Variants in CYB561 observed in about 807,000 individuals in gnomAD.
CYB561 encodes the protein transmembrane ascorbate-dependent reductase CYB561.
In CYB561, 11 loss-of-function variants were observed where a neutral mutation model predicts 25.3. The ratio of observed to expected loss-of-function variants is 0.44; its 90% CI spans 0.27 to 0.72. The LOEUF (loss-of-function observed/expected upper bound fraction) is 0.72. Among genes scored for constraint, CYB561 ranks in the 30% least tolerant of loss-of-function variants. The pLI, the probability that CYB561 is intolerant of heterozygous loss-of-function variation, is 0.18. For synonymous variants in CYB561, 165 were observed against 158.8 expected (o/e 1.04, Z -0.29); for missense variants, 295 against 334.9 (o/e 0.88, Z 0.93).
intron 1 of CYB561, 40 bp from the exon 2 acceptor site, chr17:63,437,600 ACCCCGAGATGCGCACAGCC>A (rs1176147513): frequency 3.9e-6 from 6 of 1,531,080 alleles, no homozygotes; most frequent in Non-Finnish European, 5.3e-6. Flanking sequence ...AGCGCACAGC[ACCCCGAGATGCGCACAGCC>A]CCCGCGGATG....
chr17:63,434,834 T>C (rs1342562299), intron 5 of CYB561, among the ~76,000 whole-genome samples: 2 of 152,216 alleles, frequency 1.3e-5, no homozygotes, highest in East Asian at 3.8e-4. Flanking sequence ...TAAGCAGTTG[T>C]CCTGCAGATC....
chr17:63,440,150 A>G (rs1420415150), intron 1 of CYB561: 13 of 398,520 alleles, frequency 3.3e-5, no homozygotes, highest in Non-Finnish European at 4.9e-5. Context: ...CCGCCACCCC[A>G]AATTCAAGCC....
At position 63,432,406 on chromosome 17, in the gene CYB561, T is replaced by G. The variant is rs542548274; in HGVS notation, c.*1996A>C. On this transcript the variant is annotated 3_prime_UTR_variant, in exon 6 of 6. Transcript: ENST00000360793. Reference sequence around the variant, plus strand: ...ATAAAATAACCCACCACAAATCCGCTTCTGGGGGCCTTCTTCAGCTCCTTA... The same window carrying G: ...ATAAAATAACCCACCACAAATCCGCGTCTGGGGGCCTTCTTCAGCTCCTTA... 6.6e-6 allele frequency: 1 copy of G among 152,332 alleles called. No homozygotes were observed. Among genetic ancestry groups the G allele is most frequent in the East Asian group, 1.9e-4 (1 of 5,192 alleles). The allele number at this position is 152,332 out of a possible 1,614,324, so 9.4% of individuals were successfully genotyped here.
In CYB561 at chr17:63,433,610, G is replaced by A. The variant is rs370000879; in HGVS notation, c.*792C>T. 1.4e-4 allele frequency: 55 copies of A among 382,428 alleles called. No individual in the cohort carries two copies. Among genetic ancestry groups the A allele is most frequent in the African/African-American group, 9.1e-4 (44 of 48,350 alleles). 23.7% of individuals were successfully genotyped at this position (382,428 alleles called of 1,614,324 possible). On this transcript the variant is annotated 3_prime_UTR_variant, in exon 6 of 6. Transcript: ENST00000360793. The stretch of plus-strand genomic sequence containing the variant: ...TGGGAGAGGAAACCAGAGCTGAGCC[G>A]CAAGGGGGGTGCTACAAGGAGGGAG...
intron 1 of CYB561, chr17:63,438,305 G>T (rs2049337040): frequency 8.7e-7 from 1 of 1,154,308 alleles, no homozygotes; most frequent in East Asian, 2.6e-5. Context: ...GAAGGAAGGG[G>T]CTGGTCACAC....
rs2049275209 is a variant in CYB561, at chr17:63,434,735, T to TC, written c.564-142dup. The TC allele has an allele frequency of 3.9e-5, 27 of 688,732 alleles. No individual in the cohort carries two copies. The South Asian group carries it at 4.9e-4, about 12-fold the overall frequency. 42.7% of individuals were successfully genotyped at this position (688,732 alleles called of 1,614,324 possible). On this transcript the variant is annotated intron_variant, in intron 5 of 5. Coordinates refer to ENST00000360793, the MANE Select transcript of CYB561 (RefSeq NM_001915.4). ...CTGCCCTGCCTGAAGAGAACAACCA[T>TC]CCCCCCGCCCCCAACCAGCAATCTC...
intron 1 of CYB561, among the ~76,000 whole-genome samples, chr17:63,442,457 T>G (rs1278984666): frequency 6.6e-6 from 1 of 152,100 alleles, no homozygotes; most frequent in Non-Finnish European, 1.5e-5. Flanking sequence ...CATTTCCCAG[T>G]CTTGACAGCA....
rs977075001 is a variant in CYB561, at chr17:63,432,399, A to G, written c.*2003T>C. 1.3e-5 allele frequency: 2 copies of G among 152,142 alleles called. No individual in the cohort carries two copies. Among genetic ancestry groups the G allele is most frequent in the African/African-American group, 2.4e-5 (1 of 41,404 alleles). 9.4% of individuals were successfully genotyped at this position (152,142 alleles called of 1,614,324 possible). A position where few individuals can be genotyped will look rare whatever the true frequency, so the allele number is the denominator to read the frequency against. Reference sequence around the variant, plus strand: ...AGGCAAAATAAAATAACCCACCACAAATCCGCTTCTGGGGGCCTTCTTCAG... The same window carrying G: ...AGGCAAAATAAAATAACCCACCACAGATCCGCTTCTGGGGGCCTTCTTCAG... On this transcript the variant is annotated 3_prime_UTR_variant, in exon 6 of 6. Transcript: ENST00000360793.
Position 63,436,296 on chromosome 17 carries a change from A to T in CYB561, c.203-144T>A. On this transcript the variant is annotated intron_variant, in intron 2 of 5. Coordinates refer to ENST00000360793, the MANE Select transcript of CYB561 (RefSeq NM_001915.4). This position sits in a 1 kb window ranked among gnomAD's most constrained non-coding sequence, Gnocchi z 4.8. ...CCTAGCTGCAGGAACCGGAGGAGAA[A>T]GCCAGGTTCCCTGGGGACCCTGGGC... 1 of 1,112,796 alleles carries T rather than the reference A, an allele frequency of 9.0e-7. No individual in the cohort carries two copies. The highest frequency in any genetic ancestry group is 2.6e-5 in the East Asian group (1 of 37,900). The allele number at this position is 1,112,796 out of a possible 1,614,324, so 68.9% of individuals were successfully genotyped here. A position where few individuals can be genotyped will look rare whatever the true frequency, so the allele number is the denominator to read the frequency against.
chr17:63,438,433 G>C (rs1244072213), intron 1 of CYB561: 9 of 530,612 alleles, frequency 1.7e-5, no homozygotes. Flanking sequence ...ACACCCAGGA[G>C]AGCCAGCCCC....
Position 63,441,447 on chromosome 17 carries a change from C to T in CYB561, c.-13-3887G>A, listed in dbSNP as rs116450185. Among the ~76,000 whole-genome samples, 663 of 152,376 alleles carry T rather than the reference C, an allele frequency of 4.4e-3. 6 individuals are homozygous for T. The highest frequency in any genetic ancestry group is 0.015 in the African/African-American group (629 of 41,580). On this transcript the variant is annotated intron_variant, in intron 1 of 5. Transcript: ENST00000360793. ...CAGCAAATAGCAGCTCAACTCAACCCGCAGCCACCTGCACTTGGCCAGGTG... is the reference window on the plus strand; with the variant it reads ...CAGCAAATAGCAGCTCAACTCAACCTGCAGCCACCTGCACTTGGCCAGGTG...
Position 63,433,617 on chromosome 17 carries a change from G to T in CYB561, c.*785C>A, listed in dbSNP as rs957531162. On this transcript the variant is annotated 3_prime_UTR_variant, in exon 6 of 6. Coordinates refer to ENST00000360793, the MANE Select transcript of CYB561 (RefSeq NM_001915.4). ...GGAAACCAGAGCTGAGCCGCAAGGGGGGTGCTACAAGGAGGGAGCCCCAGC... is the reference window on the plus strand; with the variant it reads ...GGAAACCAGAGCTGAGCCGCAAGGGTGGTGCTACAAGGAGGGAGCCCCAGC... The T allele has an allele frequency of 2.9e-5, 11 of 381,326 alleles. No individual in the cohort carries two copies. The highest frequency in any genetic ancestry group is 2.3e-4 in the African/African-American group (11 of 48,198). 23.6% of individuals were successfully genotyped at this position (381,326 alleles called of 1,614,324 possible). A position where few individuals can be genotyped will look rare whatever the true frequency, so the allele number is the denominator to read the frequency against.
chr17:63,435,493 T>TG, intron 4 of CYB561, 195 bp downstream of exon 4: 1 of 683,102 alleles, frequency 1.5e-6, no homozygotes, highest in Non-Finnish European at 2.5e-6. Context: ...GAGTCAGCCA[T>TG]GGGGCGCCTG....
chr17:63,438,406 G>A, intron 1 of CYB561: 2 of 560,680 alleles, frequency 3.6e-6, no homozygotes, highest in Non-Finnish European at 6.3e-6. Flanking sequence ...CTGGCGATGA[G>A]GAGGCCTCCC....
rs144660778 is a variant in CYB561 at position 63,433,284 on chromosome 17, G to A, written c.*1118C>T. Reference sequence around the variant, plus strand: ...GATCTCCTGGCCTCGCACACGATCAGTGTTCTAATCACACTATTTCCAGGC... The same window carrying A: ...GATCTCCTGGCCTCGCACACGATCAATGTTCTAATCACACTATTTCCAGGC... On this transcript the variant is annotated 3_prime_UTR_variant, in exon 6 of 6. Transcript: ENST00000360793. The A allele has an allele frequency of 2.2e-3, 895 of 397,958 alleles. 11 individuals carry two copies. The highest frequency in any genetic ancestry group is 0.018 in the South Asian group (139 of 7,848). 24.7% of individuals were successfully genotyped at this position (397,958 alleles called of 1,614,324 possible).
rs1184785967 is a variant in CYB561 at position 63,434,575 on chromosome 17, C to T, written c.583G>A (p.Glu195Lys). 1 of 1,611,098 alleles carries T rather than the reference C, an allele frequency of 6.2e-7. No individual in the cohort carries two copies. ...FNLGGKYSAF[E>K]PEGVLANVLG... ...ACGTTGGCCAGGACACCCTCGGGCT[C>T]AAATGCGCTATACTTGCCCCTGCAG... Residue 195 changes from glutamate (E) to lysine (K), a missense_variant, in exon 6 of 6, where the codon GAG (glutamate) becomes AAG (lysine). Physicochemically the swap from Glu to Lys is moderately conservative, Grantham distance 56. Coordinates refer to ENST00000360793, the MANE Select transcript of CYB561 (RefSeq NM_001915.4).
chr17:63,437,975 G>GCCCCC, intron 1 of CYB561: 2 of 89,528 alleles, frequency 2.2e-5, no homozygotes, highest in South Asian at 1.0e-4. Context: ...CGGCGGCCCC[G>GCCCCC]CCACCCTCCC....
intron 5 of CYB561, 82 bp downstream of exon 5, chr17:63,435,004 C>A: frequency 6.9e-7 from 1 of 1,447,400 alleles, no homozygotes; most frequent in Non-Finnish European, 9.3e-7. Context: ...GCTCAGGAAG[C>A]CACAGCTGGG....
At position 63,435,156 on chromosome 17, in the gene CYB561, C is replaced by A; in HGVS notation, c.493G>T (p.Ala165Ser). Residue 165 changes from alanine to serine, a missense_variant, in exon 5 of 6, where the codon GCT becomes TCT. Ala to Ser is a moderately conservative substitution (Grantham distance 99, BLOSUM62 1). Coordinates refer to ENST00000360793, the MANE Select transcript of CYB561 (RefSeq NM_001915.4). The stretch of plus-strand genomic sequence containing the variant: ...CCCACGGAAAGGAGGAAGATGGTAG[C>A]ACCAAAGAAGATGTGCTGTGGGCGG... The part of the protein sequence containing the change: ...RYRPQHIFFG[A>S]TIFLLSVGTA... 3.7e-6 allele frequency: 6 copies of A among 1,614,240 alleles called. No homozygotes were observed. Among genetic ancestry groups the A allele is most frequent in the Non-Finnish European group, 5.1e-6 (6 of 1,180,054 alleles).
Sources: allele counts gnomAD v4.1 joint callset (sites outside exome capture counted in the v4.1 genomes callset), GRCh38; gene constraint gnomAD v4.1.1; non-coding constraint Gnocchi (gnomAD v3.1); transcripts MANE v1.5; gene names NCBI Gene and HGNC (gene_info 2026-07-23, HGNC 2026-07-21).